Variants in SCFD2 observed in about 807,000 individuals in gnomAD.
The protein encoded by SCFD2 is sec1 family domain-containing protein 2.
SCFD2 carries 54 observed loss-of-function variants against 58.9 expected under a neutral mutation model. The observed-to-expected ratio is 0.92, with a 90% CI of 0.74 to 1.15. The LOEUF is 1.15. Ranked by LOEUF, SCFD2 falls within the 50% of genes most tolerant of loss-of-function variation. The pLI is 0.00. For missense variants in SCFD2, 805 were observed against 836.6 expected, an observed-to-expected ratio of 0.96 and a Z score of 0.47; for synonymous variants, 321 against 335.9, an observed-to-expected ratio of 0.96 and a Z score of 0.49.
chr4:53,189,784 C>G (rs762020669), intron 4 of SCFD2, among the ~76,000 whole-genome samples: 7 of 152,174 alleles, frequency 4.6e-5, no homozygotes, highest in Non-Finnish European at 1.0e-4. Context: ...GGAGGTTACT[C>G]TATGCTACCT....
chr4:53,277,419 T>C (rs889608765), intron 3 of SCFD2, among the ~76,000 whole-genome samples: 23 of 152,188 alleles, frequency 1.5e-4, no homozygotes, highest in Non-Finnish European at 1.9e-4. Context: ...CCTAAACACA[T>C]AGAACTTAGT....
At chr4:52,968,210 C>T (rs1721005698) in intron 5 of SCFD2, among the ~76,000 whole-genome samples, 1 of 152,218 alleles carries the variant, frequency 6.6e-6, no homozygotes, top group Admixed American at 6.5e-5. Flanking sequence ...GTGTGCCAGG[C>T]ACTGTGCTAG....
chr4:52,925,913 G>T (rs779019074), intron 5 of SCFD2, among the ~76,000 whole-genome samples: 17 of 152,060 alleles, frequency 1.1e-4, no homozygotes, highest in Non-Finnish European at 2.4e-4. Flanking sequence ...CTGGGCAGGG[G>T]TCTAGTTACC....
intron 5 of SCFD2, among the ~76,000 whole-genome samples, chr4:53,119,084 G>A (rs1260077061): frequency 1.3e-5 from 2 of 152,112 alleles, no homozygotes; most frequent in Non-Finnish European, 2.9e-5. Flanking sequence ...TTGGGAAGCC[G>A]AGGTGGGTAA....
intron 5 of SCFD2, among the ~76,000 whole-genome samples, chr4:53,024,220 G>A (rs1722416068): frequency 6.6e-6 from 1 of 151,604 alleles, no homozygotes; most frequent in Non-Finnish European, 1.5e-5. Flanking sequence ...CCAAAAAGAA[G>A]GATTCTAGGC....
chr4:53,083,325 C>T (rs1238159919), intron 5 of SCFD2, among the ~76,000 whole-genome samples: 1 of 152,028 alleles, frequency 6.6e-6, no homozygotes, highest in East Asian at 1.9e-4. Flanking sequence ...TATGAGGTCT[C>T]ATATGGAAAT....
intron 5 of SCFD2, among the ~76,000 whole-genome samples, chr4:53,107,498 C>T (rs1725039662): frequency 6.6e-6 from 1 of 152,120 alleles, no homozygotes; most frequent in Admixed American, 6.5e-5. Context: ...TGTGCAAAGA[C>T]ACTCACAGGC....
intron 2 of SCFD2, among the ~76,000 whole-genome samples, chr4:53,337,608 G>T (rs1733724583): frequency 6.6e-6 from 1 of 152,078 alleles, no homozygotes; most frequent in Non-Finnish European, 1.5e-5. Context: ...TCACAATATA[G>T]CACCCCCAAA....
chr4:53,045,764 T>G (rs976724926), intron 5 of SCFD2, among the ~76,000 whole-genome samples: 1 of 152,178 alleles, frequency 6.6e-6, no homozygotes, highest in African/African-American at 2.4e-5. Flanking sequence ...TACCAATTAT[T>G]TACATATTTT....
chr4:53,357,386 G>A (rs914532166), intron 1 of SCFD2, among the ~76,000 whole-genome samples: 1 of 151,694 alleles, frequency 6.6e-6, no homozygotes, highest in Admixed American at 6.6e-5. Flanking sequence ...CTGAGATTGA[G>A]CCACTGCATA....
At chr4:53,105,939 G>A (rs1166975344) in intron 5 of SCFD2, among the ~76,000 whole-genome samples, 2 of 138,158 alleles carry the variant, frequency 1.4e-5, no homozygotes, top group African/African-American at 2.7e-5. Context: ...ACCTCACACA[G>A]GAGAGCTCTG....
At chr4:52,987,340 C>T (rs935914684) in intron 5 of SCFD2, among the ~76,000 whole-genome samples, 7 of 152,162 alleles carry the variant, frequency 4.6e-5, no homozygotes, top group Non-Finnish European at 1.0e-4. Context: ...AAATAAATGA[C>T]CTATGTGTCA....
chr4:53,034,386 T>C (rs1156819398), intron 5 of SCFD2, among the ~76,000 whole-genome samples: 1 of 152,110 alleles, frequency 6.6e-6, no homozygotes, highest in Non-Finnish European at 1.5e-5. Flanking sequence ...GGGCAAAAAC[T>C]GGAAGCATTC....
At chr4:53,028,108 G>T (rs1237579059) in intron 5 of SCFD2, among the ~76,000 whole-genome samples, 2 of 151,946 alleles carry the variant, frequency 1.3e-5, no homozygotes, top group East Asian at 3.9e-4. Context: ...TTAGCTGGGC[G>T]TGGTGGCAGG....
chr4:53,077,540 C>A (rs1427766540), intron 5 of SCFD2, among the ~76,000 whole-genome samples: 1 of 152,090 alleles, frequency 6.6e-6, no homozygotes, highest in Non-Finnish European at 1.5e-5. Flanking sequence ...TGGGTTCAAA[C>A]AATTCTCCTG....
intron 5 of SCFD2, among the ~76,000 whole-genome samples, chr4:53,003,600 TTAGAG>T (rs1016305764): frequency 2.6e-5 from 4 of 152,152 alleles, no homozygotes; most frequent in African/African-American, 9.7e-5. Context: ...TCATTAAATG[TTAGAG>T]TAGAGTGATA....
At chr4:53,229,809 G>A (rs929244071) in intron 4 of SCFD2, among the ~76,000 whole-genome samples, 2 of 152,284 alleles carry the variant, frequency 1.3e-5, no homozygotes, top group African/African-American at 4.8e-5. Flanking sequence ...CGCAGCAAAA[G>A]AAACTACCAT....
chr4:53,302,795 T>C (rs9759622), intron 3 of SCFD2, among the ~76,000 whole-genome samples: 17,336 of 151,970 alleles, frequency 0.11, 1,109 homozygotes, highest in East Asian at 0.22. Flanking sequence ...GAAATAATGC[T>C]GCATATCTAC....
chr4:53,011,062 TTC>T (rs1722083002), intron 5 of SCFD2, among the ~76,000 whole-genome samples: 1 of 152,174 alleles, frequency 6.6e-6, no homozygotes, highest in Non-Finnish European at 1.5e-5. Flanking sequence ...TATGTCTGAT[TTC>T]ATATTTTACA....
Sources: gnomAD v4.1 joint callset for allele counts (sites outside exome capture counted in the v4.1 genomes callset) on GRCh38, gnomAD v4.1.1 for gene constraint, MANE v1.5 for transcripts, NCBI Gene and HGNC (gene_info 2026-07-23, HGNC 2026-07-21) for gene names.